The following DCC variants were observed in gnomAD, a reference collection of about 807,000 sequenced individuals.
DCC encodes the protein netrin receptor DCC.
In DCC, 58 loss-of-function variants were observed where a neutral mutation model predicts 172.5. That is an observed-to-expected ratio of 0.34 (90% CI 0.27 to 0.42). The LOEUF is 0.42. DCC is among the 10% of genes least tolerant of loss of function. DCC has a pLI of 1.00. For missense variants in DCC, 1,740 were observed against 1,791.0 expected, an observed-to-expected ratio of 0.97 and a Z score of 0.51; for synonymous variants, 709 against 644.5, an observed-to-expected ratio of 1.10 and a Z score of -1.52.
At chr18:53,360,736 T>A (rs531252927) in intron 15 of DCC, among the ~76,000 whole-genome samples, 1 of 152,312 alleles carries the variant, frequency 6.6e-6, no homozygotes, top group East Asian at 1.9e-4. Context: ...ACAGGTTAAA[T>A]CTTTGTGCCG....
At chr18:52,356,062 C>T (rs1225601871) in intron 1 of DCC, among the ~76,000 whole-genome samples, 1 of 152,130 alleles carries the variant, frequency 6.6e-6, no homozygotes, top group African/African-American at 2.4e-5. Context: ...AGCCTTTTCC[C>T]AAGCGAATTT....
chr18:53,013,794 A>G (rs1030793913), intron 5 of DCC, among the ~76,000 whole-genome samples: 3 of 151,932 alleles, frequency 2.0e-5, no homozygotes, highest in Admixed American at 2.0e-4. Context: ...TCCAATCAAC[A>G]CTCAAAAACT....
intron 9 of DCC, among the ~76,000 whole-genome samples, chr18:53,179,690 G>A (rs1393998822): frequency 6.6e-6 from 1 of 152,100 alleles, no homozygotes; most frequent in African/African-American, 2.4e-5. Context: ...GCAGCTGAAT[G>A]TTCTTTGACC....
At chr18:52,568,144 G>C (rs2033205968) in intron 1 of DCC, among the ~76,000 whole-genome samples, 1 of 152,022 alleles carries the variant, frequency 6.6e-6, no homozygotes. Flanking sequence ...AAATTCTTTT[G>C]AGTTTATATT....
At chr18:53,486,375 A>C (rs2045899905) in intron 25 of DCC, among the ~76,000 whole-genome samples, 1 of 152,204 alleles carries the variant, frequency 6.6e-6, no homozygotes, top group African/African-American at 2.4e-5. Context: ...TACAGAATTA[A>C]TGGAAAATTC....
intron 3 of DCC, among the ~76,000 whole-genome samples, chr18:52,906,972 C>G (rs1236183934): frequency 6.6e-6 from 1 of 151,824 alleles, no homozygotes; most frequent in Non-Finnish European, 1.5e-5. Flanking sequence ...GAAGAGTTCT[C>G]TTTTGTATAT....
At position 53,511,806 on chromosome 18, in the gene DCC, T is replaced by G. The variant is rs191432997; in HGVS notation, c.4111+12296T>G. On this transcript the variant is annotated intron_variant, in intron 27 of 28. Coordinates refer to ENST00000442544, the MANE Select transcript of DCC (RefSeq NM_005215.4). ...TATATCCTGCACCTGGCTCGGAGGG[T>G]CCTACGCCCACGGAGTCTCGCTGAT... Among the ~76,000 whole-genome samples, 824 of 151,942 alleles carry G rather than the reference T, an allele frequency of 5.4e-3. 5 individuals carry two copies. The highest frequency in any genetic ancestry group is 0.019 in the African/African-American group (779 of 41,406).
At chr18:52,610,562 G>C (rs2034258694) in intron 1 of DCC, among the ~76,000 whole-genome samples, 1 of 151,714 alleles carries the variant, frequency 6.6e-6, no homozygotes, top group African/African-American at 2.4e-5. Flanking sequence ...CCTTTCCATA[G>C]AAAAATATAC....
At chr18:52,949,843 C>A (rs2040607450) in intron 5 of DCC, among the ~76,000 whole-genome samples, 1 of 152,212 alleles carries the variant, frequency 6.6e-6, no homozygotes, top group Admixed American at 6.5e-5. Context: ...ATATTTCTGG[C>A]TTTCCTTTTC....
At chr18:52,941,250 T>C (rs190669820) in intron 5 of DCC, 1 of 152,070 alleles carries the variant, frequency 6.6e-6, no homozygotes, top group Non-Finnish European at 1.5e-5. Flanking sequence ...TTCTAGAGGG[T>C]TCATGAACTG....
intron 2 of DCC, among the ~76,000 whole-genome samples, chr18:52,825,224 CATG>C (rs2038489302): frequency 6.6e-6 from 1 of 152,188 alleles, no homozygotes; most frequent in African/African-American, 2.4e-5. Context: ...TTATCAGCTA[CATG>C]ATATTGGTCA....
At chr18:53,319,961 C>T (rs1230399397) in intron 13 of DCC, among the ~76,000 whole-genome samples, 1 of 152,124 alleles carries the variant, frequency 6.6e-6, no homozygotes, top group Non-Finnish European at 1.5e-5. Flanking sequence ...ATACATATAA[C>T]TGACCATCAC....
In DCC at chr18:53,086,452, TTTC is replaced by T. The variant is rs1244590081; in HGVS notation, c.1261+20305_1261+20307del. Reference sequence around the variant, plus strand: ...CCTTTCTTCTTCTTCTTCTTCTTCCTTTCTTCTTCTTCTTCTTCTTCCTTTCTT... The same window carrying T: ...CCTTTCTTCTTCTTCTTCTTCTTCCTTTCTTCTTCTTCTTCTTCCTTTCTT... On this transcript the variant is annotated intron_variant, in intron 7 of 28. Transcript: ENST00000442544. 1.0e-3 allele frequency among the ~76,000 whole-genome samples: 47 copies of T among 45,678 alleles called. 10 individuals are homozygous for T. Among genetic ancestry groups the T allele is most frequent in the Admixed American group, 3.0e-3 (19 of 6,282 alleles). 30.0% of individuals were successfully genotyped at this position (45,678 alleles called of 152,430 possible).
chr18:53,318,362 T>C (rs1204238576), intron 13 of DCC, among the ~76,000 whole-genome samples: 1 of 152,130 alleles, frequency 6.6e-6, no homozygotes, highest in Non-Finnish European at 1.5e-5. Flanking sequence ...GTTATGATTT[T>C]CATTCTTTTG....
intron 7 of DCC, among the ~76,000 whole-genome samples, chr18:53,131,601 A>G (rs1278315432): frequency 1.3e-5 from 2 of 152,176 alleles, no homozygotes; most frequent in African/African-American, 4.8e-5. Flanking sequence ...CGCATATATC[A>G]GTAAACATAT....
At chr18:52,658,689 T>C (rs1268269285) in intron 1 of DCC, among the ~76,000 whole-genome samples, 2 of 152,174 alleles carry the variant, frequency 1.3e-5, no homozygotes, top group Non-Finnish European at 2.9e-5. Context: ...GACAAAAAAC[T>C]GTAGCAGAGA....
chr18:53,041,652 A>T (rs1035690619), intron 5 of DCC, among the ~76,000 whole-genome samples: 2 of 151,988 alleles, frequency 1.3e-5, no homozygotes, highest in African/African-American at 4.8e-5. Context: ...ATGAGCATGG[A>T]CTATTTTTCC....
chr18:52,404,186 C>T (rs1178751944), intron 1 of DCC, among the ~76,000 whole-genome samples: 1 of 151,988 alleles, frequency 6.6e-6, no homozygotes, highest in Non-Finnish European at 1.5e-5. Flanking sequence ...TTTCCCTGAA[C>T]TCTAGAGACA....
intron 1 of DCC, among the ~76,000 whole-genome samples, chr18:52,400,114 T>C (rs1986381002): frequency 6.6e-6 from 1 of 152,008 alleles, no homozygotes; most frequent in African/African-American, 2.4e-5. Flanking sequence ...AATTCATAGC[T>C]CAACCCAAAT....
Sources: gnomAD v4.1 joint callset for allele counts (sites outside exome capture counted in the v4.1 genomes callset) on GRCh38, gnomAD v4.1.1 for gene constraint, MANE v1.5 for transcripts, NCBI Gene and HGNC (gene_info 2026-07-23, HGNC 2026-07-21) for gene names.